The following APC2 variants were observed in gnomAD, a reference collection of about 807,000 sequenced individuals.
APC2 encodes the protein adenomatous polyposis coli protein 2.
APC2 carries 41 observed loss-of-function variants against 72.5 expected under a neutral mutation model. That is an observed-to-expected ratio of 0.57 (90% CI 0.44 to 0.73). The LOEUF is 0.73. APC2 is among the 30% of genes least tolerant of loss of function. The probability of loss-of-function intolerance (pLI) is 0.00; values close to 1 mark genes in which losing one functional copy is unlikely to be tolerated. For missense variants in APC2, 3,729 were observed against 3,403.4 expected, an observed-to-expected ratio of 1.10 and a Z score of -2.38; for synonymous variants, 1,898 against 1,612.0, an observed-to-expected ratio of 1.18 and a Z score of -4.25.
rs774241048 is a variant in APC2 at position 1,468,280 on chromosome 19, G to C, written c.4979G>C (p.Arg1660Pro). 1 of 1,533,206 alleles carries C rather than the reference G, an allele frequency of 6.5e-7. No homozygotes were observed. Among genetic ancestry groups the C allele is most frequent in the Non-Finnish European group, 8.8e-7 (1 of 1,141,628 alleles). 95.0% of individuals were successfully genotyped at this position (1,533,206 alleles called of 1,614,324 possible). The change falls in exon 15 of 15, where the codon CGG (arginine) becomes CCG (proline). Residue 1660 changes from arginine to proline, a missense_variant. Arg to Pro is a moderately radical substitution (Grantham distance 103). Coordinates refer to ENST00000590469, the MANE Select transcript of APC2 (RefSeq NM_005883.3). ...RKPRATRLDE[R>P]PAEGSRERGE... ...CCCCGAGCCACCCGGCTGGATGAGCGGCCCGCAGAGGGGTCCCGGGAACGC... is the reference window on the plus strand; with the variant it reads ...CCCCGAGCCACCCGGCTGGATGAGCCGCCCGCAGAGGGGTCCCGGGAACGC...
intron 9 of APC2, 70 bp from the exon 10 acceptor site, chr19:1,457,895 C>CCGGGGTGGTGGG: frequency 1.6e-6 from 2 of 1,233,430 alleles, no homozygotes. Context: ...GGGCGGGTTG[C>CCGGGGTGGTGGG]GGGACCTTCG....
Position 1,453,237 on chromosome 19 carries a change from GC to G in APC2, c.142-6del, listed in dbSNP as rs1569138376. 6.4e-7 allele frequency: 1 copy of G among 1,559,042 alleles called. No homozygotes were observed. On this transcript the variant is annotated splice_polypyrimidine_tract_variant and intron_variant, in intron 2 of 14. Coordinates refer to ENST00000590469, the MANE Select transcript of APC2 (RefSeq NM_005883.3). ...CTGATGGCTTCCCGCCCTCTTTCCC[GC>G]CCCTGCAGGAGGTCCTGAAGCACCT...
chr19:1,460,698 C>A (rs2083908400), intron 11 of APC2, 82 bp from the exon 12 acceptor site: 2 of 1,386,554 alleles, frequency 1.4e-6, no homozygotes, highest in Non-Finnish European at 2.0e-6. Flanking sequence ...GCAGCTGCAG[C>A]ACACAGACGG....
At chr19:1,459,552 T>C (rs2145207398) in intron 10 of APC2, among the ~76,000 whole-genome samples, 1 of 152,332 alleles carries the variant, frequency 6.6e-6, no homozygotes, top group Non-Finnish European at 1.5e-5. Context: ...GATATGTCCC[T>C]AACTCACTTC....
Position 1,467,561 on chromosome 19 carries a change from G to T in APC2, c.4260G>T (p.Gly1420=), listed in dbSNP as rs148212035. The T allele has an allele frequency of 1.8e-5, 27 of 1,510,764 alleles. No individual in the cohort carries two copies. In the African/African-American group the frequency reaches 2.7e-4, roughly 15 times the overall value. The allele number at this position is 1,510,764 out of a possible 1,614,324, so 93.6% of individuals were successfully genotyped here. Residue 1420 remains glycine, a synonymous_variant, in exon 15 of 15, where the codon GGG becomes GGT. Transcript: ENST00000590469. ...AGGGACCCCCCAGGGACCAGCCCGGGGGACCAGCGGGCAGGCAAAGACCCA... is the reference window on the plus strand; with the variant it reads ...AGGGACCCCCCAGGGACCAGCCCGGTGGACCAGCGGGCAGGCAAAGACCCA... ...TLQGPPRDQP[G]GPAGRQRPTG...
At chr19:1,460,038 AGGTCTC>A in intron 10 of APC2, 137 bp from the exon 11 acceptor site, 1 of 1,119,596 alleles carries the variant, frequency 8.9e-7, no homozygotes, top group Non-Finnish European at 1.3e-6. Context: ...CTCCTGGAGG[AGGTCTC>A]AGACTTGGGC....
Position 1,469,765 on chromosome 19 carries a change from C to T in APC2, c.6464C>T (p.Pro2155Leu), listed in dbSNP as rs1376717357. 4 of 1,512,202 alleles carry T rather than the reference C, an allele frequency of 2.6e-6. No homozygotes were observed. Among genetic ancestry groups the T allele is most frequent in the Non-Finnish European group, 3.5e-6 (4 of 1,137,942 alleles). The allele number at this position is 1,512,202 out of a possible 1,614,324, so 93.7% of individuals were successfully genotyped here. A position where few individuals can be genotyped will look rare whatever the true frequency, so the allele number is the denominator to read the frequency against. ...TWRRIRDEDV[P>L]HILRSTLPAT... Reference sequence around the variant, plus strand: ...CGGCGCATCCGAGATGAGGACGTGCCCCACATCCTGCGCAGCACGCTTCCC... The same window carrying T: ...CGGCGCATCCGAGATGAGGACGTGCTCCACATCCTGCGCAGCACGCTTCCC... Residue 2155 changes from proline to leucine, a missense_variant, in exon 15 of 15, where the codon CCC (proline) becomes CTC (leucine). Transcript: ENST00000590469.
chr19:1,463,281 G>A (rs2083955731), intron 14 of APC2, among the ~76,000 whole-genome samples: 1 of 151,886 alleles, frequency 6.6e-6, no homozygotes, highest in African/African-American at 2.4e-5. Flanking sequence ...AGCCAGGCAT[G>A]GTGGCGGGCA....
At chr19:1,454,649 C>T (rs1351899579) in intron 4 of APC2, among the ~76,000 whole-genome samples, 3 of 151,142 alleles carry the variant, frequency 2.0e-5, no homozygotes, top group Admixed American at 6.6e-5. Flanking sequence ...CTGCAAGCTC[C>T]GCCTCCCGGG....
chr19:1,456,167 C>A lies in APC2; in HGVS notation c.717+14C>A. On this transcript the variant is annotated intron_variant, in intron 7 of 14. Transcript: ENST00000590469. ...ACGGAGCCCCAGGTACCGGGTGGGG[C>A]AGAGCCAGGGACCAGGGGTGGTGTC... The A allele has an allele frequency of 6.3e-7, 1 of 1,577,078 alleles. No individual in the cohort carries two copies. Among genetic ancestry groups the A allele is most frequent in the Non-Finnish European group, 8.6e-7 (1 of 1,164,186 alleles).
Position 1,473,217 on chromosome 19 carries a change from A to G in APC2, c.*3004A>G, listed in dbSNP as rs1205976349. The G allele has an allele frequency of 6.6e-6, 1 of 152,296 alleles. No homozygotes were observed. The highest frequency in any genetic ancestry group is 1.5e-5 in the Non-Finnish European group (1 of 68,064). 9.4% of individuals were successfully genotyped at this position (152,296 alleles called of 1,614,324 possible). A position where few individuals can be genotyped will look rare whatever the true frequency, so the allele number is the denominator to read the frequency against. On this transcript the variant is annotated 3_prime_UTR_variant, in exon 15 of 15. Transcript: ENST00000590469. Reference sequence around the variant, plus strand: ...ACCGTCAGCTGTCCGACTCGCACACATTTAATAAACTGAGCTCTTGCATTG... The same window carrying G: ...ACCGTCAGCTGTCCGACTCGCACACGTTTAATAAACTGAGCTCTTGCATTG...
upstream of APC2, among the ~76,000 whole-genome samples, chr19:1,449,132 C>T (rs919740981): frequency 1.3e-5 from 2 of 152,216 alleles, no homozygotes; most frequent in Admixed American, 1.3e-4. Flanking sequence ...TTCCCTGCAC[C>T]AGCCCTTGCA....
Position 1,465,851 on chromosome 19 carries a change from A to G in APC2, c.2550A>G (p.Ala850=). Residue 850 remains alanine (A), a synonymous_variant, in exon 15 of 15, where the codon GCA becomes GCG. Coordinates refer to ENST00000590469, the MANE Select transcript of APC2 (RefSeq NM_005883.3). ...AGGCCAAGGCCAAGCTGGCGCTTGC[A>G]GTGGCGCGCATCGACCAGCTGGTGG... ...AAKAKAKLAL[A]VARIDQLVED... 1.3e-6 allele frequency: 2 copies of G among 1,572,192 alleles called. No individual in the cohort carries two copies. Among genetic ancestry groups the G allele is most frequent in the South Asian group, 1.2e-5 (1 of 86,816 alleles).
In APC2 at chr19:1,466,706, G is replaced by T; in HGVS notation, c.3405G>T (p.Arg1135=). 6.5e-7 allele frequency: 1 copy of T among 1,527,932 alleles called. No individual in the cohort carries two copies. 94.6% of individuals were successfully genotyped at this position (1,527,932 alleles called of 1,614,324 possible). Residue 1135 remains arginine (R), a synonymous_variant, in exon 15 of 15, where the codon CGG becomes CGT. Coordinates refer to ENST00000590469, the MANE Select transcript of APC2 (RefSeq NM_005883.3). ...CGGCTCCCCGGCGTAACCGAGGCCG[G>T]GGCCTGGGGGTGGAAGACGCCACGC... ...AIPAPRRNRG[R]GLGVEDATPS...
intron 4 of APC2, among the ~76,000 whole-genome samples, chr19:1,454,654 C>T (rs1246404736): frequency 6.6e-6 from 1 of 151,150 alleles, no homozygotes; most frequent in African/African-American, 2.4e-5. Flanking sequence ...AGCTCCGCCT[C>T]CCGGGTTCAC....
chr19:1,446,298 T>G (rs2083687048), upstream of APC2: 9 of 983,174 alleles, frequency 9.2e-6, no homozygotes, highest in Non-Finnish European at 1.1e-5. The surrounding 1 kb of genome is among the most constrained non-coding windows in gnomAD (Gnocchi z 6.1). Flanking sequence ...ATGGGGCTCC[T>G]GGGGCTCCTG....
At chr19:1,461,936 C>G in intron 13 of APC2, 27 bp from the exon 14 acceptor site, 1 of 1,579,484 alleles carries the variant, frequency 6.3e-7, no homozygotes. Flanking sequence ...CAGGCCCTGA[C>G]CCGCCCCTCT....
At position 1,469,270 on chromosome 19, in the gene APC2, G is replaced by T; in HGVS notation, c.5969G>T (p.Gly1990Val). 3 of 1,426,896 alleles carry T rather than the reference G, an allele frequency of 2.1e-6. No individual in the cohort carries two copies. Among genetic ancestry groups the T allele is most frequent in the Non-Finnish European group, 2.8e-6 (3 of 1,088,250 alleles). The allele number at this position is 1,426,896 out of a possible 1,614,324, so 88.4% of individuals were successfully genotyped here. ...GGCAGCGAGTCCTCCGACCGCTCGG[G>T]CTTCCGGCGACAGCTAACCTTCATC... The part of the protein sequence containing the change: ...SSGSESSDRS[G>V]FRRQLTFIKE... Residue 1990 changes from glycine (G) to valine (V), a missense_variant, in exon 15 of 15, where the codon GGC becomes GTC. Gly to Val is a moderately radical substitution (Grantham distance 109). Coordinates refer to ENST00000590469, the MANE Select transcript of APC2 (RefSeq NM_005883.3).
In APC2 at chr19:1,458,073, G is replaced by C. The variant is rs1449978871; in HGVS notation, c.1303+13G>C. Reference sequence around the variant, plus strand: ...ATGAACGAGCTAGGTGAGTGTCCCAGGTCCTCTGGGAAGCCATCCTCCAGC... The same window carrying C: ...ATGAACGAGCTAGGTGAGTGTCCCACGTCCTCTGGGAAGCCATCCTCCAGC... On this transcript the variant is annotated intron_variant, in intron 10 of 14. Transcript: ENST00000590469. 3.9e-6 allele frequency: 6 copies of C among 1,554,534 alleles called. No homozygotes were observed. In the East Asian group the frequency reaches 1.4e-4, roughly 37 times the overall value.
Sources: gnomAD v4.1 joint callset for allele counts (sites outside exome capture counted in the v4.1 genomes callset) on GRCh38, gnomAD v4.1.1 for gene constraint, Gnocchi (gnomAD v3.1) non-coding constraint, MANE v1.5 for transcripts, NCBI Gene and HGNC (gene_info 2026-07-23, HGNC 2026-07-21) for gene names.